TUSC3: variants seen among roughly 807,000 people sequenced by gnomAD.
The protein encoded by TUSC3 is dolichyl-diphosphooligosaccharide--protein glycosyltransferase subunit TUSC3.
A neutral mutation model predicts 44.8 loss-of-function variants in TUSC3; 45 were observed. That is an observed-to-expected ratio of 1.00 (90% CI 0.79 to 1.29). The LOEUF (loss-of-function observed/expected upper bound fraction) is 1.29. Among genes scored for constraint, TUSC3 ranks in the 50% most tolerant of loss-of-function variants. TUSC3 has a pLI of 0.00. For missense variants in TUSC3, 519 were observed against 437.9 expected (o/e 1.19, Z -1.65); for synonymous variants, 212 against 152.9 (o/e 1.39, Z -2.85).
chr8:15,847,970 T>A, the TUSC3 span, among the ~76,000 whole-genome samples: 3 of 152,168 alleles, frequency 2.0e-5, no homozygotes, highest in African/African-American at 7.2e-5. Context: ...TGCATATAAA[T>A]CACCAATCAG....
chr8:15,441,398 C>T (rs1453924550), intron 1 of TUSC3, among the ~76,000 whole-genome samples: 1 of 151,778 alleles, frequency 6.6e-6, no homozygotes. Context: ...GACAGCGAGA[C>T]TCTCTCAAAA....
At chr8:15,672,833 G>A (rs11776648) in intron 5 of TUSC3, among the ~76,000 whole-genome samples, 31,750 of 151,848 alleles carry the variant, frequency 0.21, 4,238 homozygotes, top group Non-Finnish European at 0.3. Context: ...ACTCCCAGTC[G>A]TGCATTGCTC....
Position 15,585,437 on chromosome 8 carries a change from A to G in TUSC3, c.139-37643A>G, listed in dbSNP as rs182442022. 9.7e-4 allele frequency among the ~76,000 whole-genome samples: 147 copies of G among 152,326 alleles called. 2 individuals are homozygous for G. Among genetic ancestry groups the G allele is most frequent in the Non-Finnish European group, 1.8e-3 (125 of 68,028 alleles). ...GACACAAAGGGTGAGGTTGGAGCGA[A>G]AGTTTAATAAGCGAAAGATAAAAAG... On this transcript the variant is annotated intron_variant, in intron 1 of 10. Coordinates refer to ENST00000503731, the MANE Select transcript of TUSC3 (RefSeq NM_006765.4).
At chr8:15,681,128 A>AT (rs34790529) in intron 6 of TUSC3, among the ~76,000 whole-genome samples, 1,702 of 133,624 alleles carry the variant, frequency 0.013, 31 homozygotes, top group African/African-American at 0.04. Flanking sequence ...TTCATCCTTG[A>AT]TTTTTTTTTT....
chr8:15,466,119 C>G (rs1361932916), intron 1 of TUSC3, among the ~76,000 whole-genome samples: 5 of 152,078 alleles, frequency 3.3e-5, no homozygotes, highest in Admixed American at 2.6e-4. Context: ...ATTATTTTTA[C>G]TGAAACAAAC....
At chr8:15,518,403 A>G (rs577279142) in intron 2 of TUSC3, among the ~76,000 whole-genome samples, 52 of 152,286 alleles carry the variant, frequency 3.4e-4, no homozygotes, top group African/African-American at 1.3e-3. Flanking sequence ...ATAGAAAAAT[A>G]GTAGGAAAAA....
At chr8:15,781,027 A>G in the TUSC3 span, among the ~76,000 whole-genome samples, 3 of 152,276 alleles carry the variant, frequency 2.0e-5, no homozygotes, top group East Asian at 3.9e-4. Flanking sequence ...ACTAACTTGT[A>G]TCAGGTAGTT....
rs539342679 is a variant in TUSC3 at position 15,443,388 on chromosome 8, G to A, written n.91+26083G>A. ...TGTGTGTGTGTGTGTGTGTAAAGAT[G>A]GGGTTTCACCATGTTGCCTAGGGTG... is the stretch of plus-strand genomic sequence containing the variant. On this transcript the variant is annotated intron_variant and non_coding_transcript_variant, in intron 1 of 5. Transcript: ENST00000503191. 4.8e-5 allele frequency among the ~76,000 whole-genome samples: 7 copies of A among 145,324 alleles called. No homozygotes were observed. In the East Asian group the frequency reaches 1.5e-3, roughly 31 times the overall value.
chr8:15,727,992 G>A lies in TUSC3; in HGVS notation c.799-2674G>A, dbSNP rs147359625. ...AAGCCTTTCCTCTCTCCTGCCTTAT[G>A]TATACAAGAAATAAGCTACAAGTGT... On this transcript the variant is annotated intron_variant, in intron 6 of 10. Coordinates refer to ENST00000503731, the MANE Select transcript of TUSC3 (RefSeq NM_006765.4). Among the ~76,000 whole-genome samples, 557 of 152,244 alleles carry A rather than the reference G, an allele frequency of 3.7e-3. 6 individuals are homozygous for A. Among genetic ancestry groups the A allele is most frequent in the South Asian group, 0.036 (174 of 4,826 alleles).
At chr8:15,758,617 G>A (rs191178910) in intron 10 of TUSC3, among the ~76,000 whole-genome samples, 126 of 152,146 alleles carry the variant, frequency 8.3e-4, no homozygotes, top group African/African-American at 3.0e-3. Flanking sequence ...GCAACCCACT[G>A]AACGTAGGGA....
chr8:15,646,097 G>A (rs1806616258), intron 2 of TUSC3, among the ~76,000 whole-genome samples: 2 of 152,118 alleles, frequency 1.3e-5, no homozygotes, highest in Non-Finnish European at 2.9e-5. Context: ...GTGCTACACA[G>A]TCGCTGAGAA....
At chr8:15,718,706 G>C (rs906246626) in intron 6 of TUSC3, among the ~76,000 whole-genome samples, 1 of 151,926 alleles carries the variant, frequency 6.6e-6, no homozygotes, top group Non-Finnish European at 1.5e-5. Flanking sequence ...CATAAACTTA[G>C]ATATATAACT....
chr8:15,773,078 G>A, the TUSC3 span, among the ~76,000 whole-genome samples: 1 of 125,698 alleles, frequency 8.0e-6, no homozygotes, highest in Non-Finnish European at 1.7e-5. Context: ...CAGGGACATG[G>A]CAAGAATGCC....
chr8:15,730,832 A>G (rs1324753308), intron 7 of TUSC3, 103 bp downstream of exon 7: 2 of 1,141,078 alleles, frequency 1.8e-6, no homozygotes, highest in African/African-American at 1.5e-5. Flanking sequence ...TTTAAGAGAC[A>G]TTAAATTTTA....
chr8:15,772,695 A>G, the TUSC3 span, among the ~76,000 whole-genome samples: 349 of 152,358 alleles, frequency 2.3e-3, 2 homozygotes, highest in African/African-American at 8.0e-3. Flanking sequence ...AAATACACTA[A>G]GAAAATTATC....
the TUSC3 span, among the ~76,000 whole-genome samples, chr8:15,836,987 G>GTT: frequency 4.0e-5 from 6 of 151,806 alleles, 1 homozygote; most frequent in Admixed American, 6.6e-5. Context: ...ATAATAACTA[G>GTT]TTTTTTTTCT....
chr8:15,440,472 A>G (rs1301478025), intron 1 of TUSC3, among the ~76,000 whole-genome samples: 4 of 152,172 alleles, frequency 2.6e-5, no homozygotes, highest in Admixed American at 1.3e-4. Context: ...GAATAACAGA[A>G]CTAATTTTTA....
At chr8:15,420,868 A>G (rs1471103585) in intron 1 of TUSC3, among the ~76,000 whole-genome samples, 5 of 152,094 alleles carry the variant, frequency 3.3e-5, no homozygotes. Flanking sequence ...GCTTCTCCCT[A>G]GACTCCTAAC....
chr8:15,762,987 C>A (rs1038660594), intron 10 of TUSC3, among the ~76,000 whole-genome samples: 17 of 152,040 alleles, frequency 1.1e-4, no homozygotes, highest in African/African-American at 4.1e-4. Context: ...TCATTGCATC[C>A]TGATATCACC....
Sources: gnomAD v4.1 joint callset for allele counts (sites outside exome capture counted in the v4.1 genomes callset) on GRCh38, gnomAD v4.1.1 for gene constraint, MANE v1.5 for transcripts, NCBI Gene and HGNC (gene_info 2026-07-23, HGNC 2026-07-21) for gene names.